The following EXOC2 variants were observed in gnomAD, a reference collection of about 807,000 sequenced individuals.
EXOC2 encodes the protein SEC5-like 1.
In EXOC2, 70 loss-of-function variants were observed where a neutral mutation model predicts 131.8. That is an observed-to-expected ratio of 0.53 (90% confidence interval 0.44 to 0.65). The LOEUF (loss-of-function observed/expected upper bound fraction) is 0.65, where lower values mean the gene tolerates loss of function less well. Ranked by LOEUF, EXOC2 falls within the 30% of genes least tolerant of loss-of-function variation. EXOC2 has a pLI of 0.00. For missense variants in EXOC2, 923 were observed against 1,108.6 expected (o/e 0.83, Z 2.38); for synonymous variants, 411 against 398.4 (o/e 1.03, Z -0.38).
chr6:505,503 T>C (rs931494373), intron 23 of EXOC2, among the ~76,000 whole-genome samples: 2 of 151,368 alleles, frequency 1.3e-5, no homozygotes, highest in Non-Finnish European at 2.9e-5. Context: ...AGAGACAACA[T>C]TTAAGTGGAA....
intron 26 of EXOC2, among the ~76,000 whole-genome samples, chr6:490,588 G>T (rs373732802): frequency 2.0e-5 from 3 of 152,184 alleles, no homozygotes; most frequent in East Asian, 3.8e-4. Flanking sequence ...ATTTGCATAC[G>T]ACTTGGCTTC....
At chr6:636,914 T>G (rs1292660562) in intron 2 of EXOC2, among the ~76,000 whole-genome samples, 1 of 152,196 alleles carries the variant, frequency 6.6e-6, no homozygotes, top group African/African-American at 2.4e-5. Flanking sequence ...CTTTAGAGAC[T>G]GAAACTTAGT....
At chr6:572,243 T>C (rs1398169271) in intron 13 of EXOC2, among the ~76,000 whole-genome samples, 1 of 152,194 alleles carries the variant, frequency 6.6e-6, no homozygotes, top group African/African-American at 2.4e-5. Context: ...GTTCGAGCTT[T>C]CTTTTTTCTT....
At chr6:507,031 TG>T (rs1314157284) in intron 23 of EXOC2, among the ~76,000 whole-genome samples, 1 of 148,368 alleles carries the variant, frequency 6.7e-6, no homozygotes, top group Non-Finnish European at 1.5e-5. Context: ...CACACAGCAG[TG>T]ACCACACACA....
intron 1 of EXOC2, among the ~76,000 whole-genome samples, chr6:658,786 C>T (rs866312849): frequency 1.3e-5 from 2 of 150,924 alleles, no homozygotes; most frequent in African/African-American, 2.4e-5. Context: ...CTCAGCCTCC[C>T]GAGTAGCTGG....
intron 3 of EXOC2, among the ~76,000 whole-genome samples, chr6:631,270 T>C (rs1001002390): frequency 6.6e-5 from 10 of 152,202 alleles, no homozygotes; most frequent in Non-Finnish European, 1.3e-4. Context: ...CCGGGTGCAG[T>C]AGCTCACACC....
intron 4 of EXOC2, among the ~76,000 whole-genome samples, chr6:622,403 G>A (rs1761337287): frequency 6.6e-6 from 1 of 152,192 alleles, no homozygotes; most frequent in Admixed American, 6.5e-5. Flanking sequence ...AGGCTGAGAA[G>A]TCAAACAGCT....
chr6:587,430 G>GA (rs1364399476), intron 11 of EXOC2, among the ~76,000 whole-genome samples: 1 of 152,132 alleles, frequency 6.6e-6, no homozygotes, highest in African/African-American at 2.4e-5. Context: ...ATTTTTAGTA[G>GA]AGACGGGGTT....
chr6:508,067 A>G (rs1325264727), intron 23 of EXOC2, among the ~76,000 whole-genome samples: 2 of 152,210 alleles, frequency 1.3e-5, no homozygotes, highest in Non-Finnish European at 2.9e-5. Flanking sequence ...AAAAAATGAG[A>G]TGTTACACAT....
intron 22 of EXOC2, among the ~76,000 whole-genome samples, chr6:542,355 T>C (rs1206035690): frequency 6.6e-6 from 1 of 152,216 alleles, no homozygotes; most frequent in Non-Finnish European, 1.5e-5. Flanking sequence ...CATAATGCAA[T>C]GTGTGACATG....
chr6:535,825 C>T (rs916283061), intron 22 of EXOC2, among the ~76,000 whole-genome samples: 1 of 152,094 alleles, frequency 6.6e-6, no homozygotes, highest in Non-Finnish European at 1.5e-5. Context: ...AATATCCAAA[C>T]TGAGCAAGAT....
At chr6:582,939 A>T in intron 11 of EXOC2, among the ~76,000 whole-genome samples, 1 of 151,844 alleles carries the variant, frequency 6.6e-6, no homozygotes, top group East Asian at 1.9e-4. Context: ...CATTCAAAGC[A>T]AGAGTTCACC....
In EXOC2 at chr6:672,127, C is replaced by T. The variant is rs374039545; in HGVS notation, c.-44+20892G>A. Among the ~76,000 whole-genome samples the T allele has an allele frequency of 4.6e-5, 7 of 152,104 alleles. No individual in the cohort carries two copies. The East Asian group carries it at 5.8e-4, about 13-fold the overall frequency. ...TTGGCTGTTCCATTCCATTTTCTTC[C>T]ACCTTTTTTCTCTATTATAGTTTCT... On this transcript the variant is annotated intron_variant, in intron 1 of 27. Transcript: ENST00000230449.
In EXOC2 at chr6:556,578, A is replaced by G; in HGVS notation, c.1852-14T>C. The G allele has an allele frequency of 6.2e-7, 1 of 1,613,974 alleles. No homozygotes were observed. The highest frequency in any genetic ancestry group is 8.5e-7 in the Non-Finnish European group (1 of 1,179,942). Reference sequence around the variant, plus strand: ...AAACTGACATGGCTGAAGGGAAAACAGCATATTGTAAAACTCAAAAATGAG... The same window carrying G: ...AAACTGACATGGCTGAAGGGAAAACGGCATATTGTAAAACTCAAAAATGAG... On this transcript the variant is annotated splice_polypyrimidine_tract_variant and intron_variant, in intron 17 of 27. Transcript: ENST00000230449.
At chr6:674,706 T>C (rs1415530851) in intron 1 of EXOC2, among the ~76,000 whole-genome samples, 1 of 149,640 alleles carries the variant, frequency 6.7e-6, no homozygotes, top group Non-Finnish European at 1.5e-5. Context: ...GGCCCTTGTA[T>C]TAACCATGTT....
At chr6:580,084 C>T (rs915911698) in intron 11 of EXOC2, among the ~76,000 whole-genome samples, 1 of 151,558 alleles carries the variant, frequency 6.6e-6, no homozygotes, top group African/African-American at 2.4e-5. Context: ...CTCTGTTGCC[C>T]AAGCTGGAGC....
Position 523,363 on chromosome 6 carries a change from G to A in EXOC2, c.2380+9106C>T, listed in dbSNP as rs552749156. Among the ~76,000 whole-genome samples, 7 of 152,302 alleles carry A rather than the reference G, an allele frequency of 4.6e-5. No individual in the cohort carries two copies. In the East Asian group the frequency reaches 1.3e-3, roughly 29 times the overall value. The stretch of plus-strand genomic sequence containing the variant: ...TCCACCTCCTACGCACAGAACTGTC[G>A]GCTTCTCTATTTATGCTTTAAACCT... On this transcript the variant is annotated intron_variant, in intron 23 of 27. Transcript: ENST00000230449.
At chr6:627,352 C>T (rs1442206529) in intron 4 of EXOC2, among the ~76,000 whole-genome samples, 1 of 151,786 alleles carries the variant, frequency 6.6e-6, no homozygotes, top group African/African-American at 2.4e-5. Context: ...CATTTTCTTG[C>T]TTCCTGGAAT....
intron 21 of EXOC2, among the ~76,000 whole-genome samples, chr6:552,615 C>A (rs1233487256): frequency 1.1e-5 from 1 of 88,912 alleles, no homozygotes; most frequent in African/African-American, 4.4e-5. Context: ...TGTATGTCAC[C>A]CATTCAACAA....
Sources: gnomAD v4.1 joint callset for allele counts (sites outside exome capture counted in the v4.1 genomes callset) on GRCh38, gnomAD v4.1.1 for gene constraint, MANE v1.5 for transcripts, NCBI Gene and HGNC (gene_info 2026-07-23, HGNC 2026-07-21) for gene names.